The following GASK1A variants were observed in gnomAD, a reference collection of about 807,000 sequenced individuals.
The protein encoded by GASK1A is golgi associated kinase 1A, also known as Golgi-associated kinase 1A.
GASK1A carries 40 observed loss-of-function variants against 41.2 expected under a neutral mutation model. That is an observed-to-expected ratio of 0.97 (90% CI 0.75 to 1.27). The LOEUF (loss-of-function observed/expected upper bound fraction) is 1.27, where lower values mean the gene tolerates loss of function less well. Ranked by LOEUF, GASK1A falls within the 50% of genes most tolerant of loss-of-function variation. The pLI is 0.00. For synonymous variants in GASK1A, 316 were observed against 307.1 expected (o/e 1.03, Z -0.30); for missense variants, 678 against 745.1 (o/e 0.91, Z 1.05).
intron 2 of GASK1A, chr3:43,037,356 T>C (rs1383292544): frequency 2.2e-6 from 2 of 924,056 alleles, no homozygotes; most frequent in South Asian, 1.3e-5. Context: ...CTCTAAAATG[T>C]GCAATACAAA....
rs1002883207 is a variant in GASK1A, at chr3:42,979,346, C to T, written c.-297C>T. ...CTCTGCAAAAGTCCCGAGTAGACCG[C>T]AGAGGCTCGCGGCCGCGGGTAGGCT... On this transcript the variant is annotated 5_prime_UTR_variant, in exon 1 of 5. Transcript: ENST00000430121. 1.6e-4 allele frequency: 61 copies of T among 369,888 alleles called. No individual in the cohort carries two copies. The highest frequency in any genetic ancestry group is 1.3e-3 in the African/African-American group (60 of 47,932). The allele number at this position is 369,888 out of a possible 1,614,324, so 22.9% of individuals were successfully genotyped here.
Position 43,037,473 on chromosome 3 carries a change from A to T in GASK1A, c.1290+3920A>T, listed in dbSNP as rs2089610042. The T allele has an allele frequency of 4.7e-6, 3 of 635,516 alleles. No homozygotes were observed. The Admixed American group carries it at 7.4e-5, about 16-fold the overall frequency. 39.4% of individuals were successfully genotyped at this position (635,516 alleles called of 1,614,324 possible). On this transcript the variant is annotated intron_variant, in intron 2 of 4. Coordinates refer to ENST00000430121, the MANE Select transcript of GASK1A (RefSeq NM_001129908.3). Reference sequence around the variant, plus strand: ...GTAAACTTACTTTTTATAGAGAGTGAAGGATGCTGGAAGGGTAAGGTATTT... The same window carrying T: ...GTAAACTTACTTTTTATAGAGAGTGTAGGATGCTGGAAGGGTAAGGTATTT...
Position 43,055,437 on chromosome 3 carries a change from G to T in GASK1A, c.1419G>T (p.Arg473=), listed in dbSNP as rs1377163083. The change falls in exon 4 of 5, where the codon CGG becomes CGT. Residue 473 remains arginine (R), a synonymous_variant. Coordinates refer to ENST00000430121, the MANE Select transcript of GASK1A (RefSeq NM_001129908.3). ...TGTCCACCCTCTTCCCTGAGGTCCG[G>T]AGCAGCGATCCATCTCACCTGGTCT... ...AELRLVHILV[R]SSDPSHLVYI... 9.0e-6 allele frequency: 14 copies of T among 1,551,288 alleles called. No individual in the cohort carries two copies. Among genetic ancestry groups the T allele is most frequent in the Admixed American group, 2.0e-5 (1 of 50,992 alleles).
Position 42,984,451 on chromosome 3 carries a change from A to G in GASK1A, c.3+4806A>G, listed in dbSNP as rs1559395222. ...GGCCTGGGATCTGGTCCTATTCCCC[A>G]GAGTCCAGCCTGTGGCTCCAGAACT... On this transcript the variant is annotated intron_variant, in intron 1 of 4. Coordinates refer to ENST00000430121, the MANE Select transcript of GASK1A (RefSeq NM_001129908.3). The surrounding 1 kb of genome is among the most constrained non-coding windows in gnomAD (Gnocchi z 4.2). Among the ~76,000 whole-genome samples, 1 of 152,130 alleles carries G rather than the reference A, an allele frequency of 6.6e-6. No individual in the cohort carries two copies. The highest frequency in any genetic ancestry group is 1.5e-5 in the Non-Finnish European group (1 of 68,022).
intron 1 of GASK1A, among the ~76,000 whole-genome samples, chr3:43,022,924 G>A (rs890449747): frequency 6.6e-6 from 1 of 152,302 alleles, no homozygotes; most frequent in African/African-American, 2.4e-5. Context: ...ACCTCTGTAT[G>A]GATAAATACG....
chr3:43,022,374 A>G (rs539660309), intron 1 of GASK1A, among the ~76,000 whole-genome samples: 1 of 152,224 alleles, frequency 6.6e-6, no homozygotes, highest in Non-Finnish European at 1.5e-5. Context: ...AGGCTGAAAG[A>G]AGGATCAAAA....
At chr3:43,001,331 A>G (rs967561138) in intron 1 of GASK1A, among the ~76,000 whole-genome samples, 1 of 152,200 alleles carries the variant, frequency 6.6e-6, no homozygotes, top group African/African-American at 2.4e-5. Flanking sequence ...CGGGAAAGCG[A>G]TCATTCCTTC....
intron 1 of GASK1A, among the ~76,000 whole-genome samples, chr3:42,988,447 A>G (rs754241749): frequency 1.3e-5 from 2 of 152,232 alleles, no homozygotes; most frequent in Non-Finnish European, 2.9e-5. Flanking sequence ...CAGAAATGCC[A>G]TCAGCCAAAG....
intron 4 of GASK1A, 52 bp downstream of exon 4, chr3:43,055,587 C>T: frequency 1.5e-6 from 2 of 1,326,526 alleles, no homozygotes; most frequent in Non-Finnish European, 1.1e-6. Flanking sequence ...ACCTGATGGC[C>T]TTGCTGCAAA....
intron 1 of GASK1A, among the ~76,000 whole-genome samples, chr3:42,993,573 C>T (rs1328729853): frequency 6.6e-6 from 1 of 152,146 alleles, no homozygotes; most frequent in Non-Finnish European, 1.5e-5. Flanking sequence ...GAAGGATCTT[C>T]AGCTTCACCA....
intron 1 of GASK1A, among the ~76,000 whole-genome samples, chr3:43,017,632 A>G (rs2089499284): frequency 6.8e-6 from 1 of 148,140 alleles, no homozygotes; most frequent in African/African-American, 2.5e-5. Flanking sequence ...GGGAAGTCAC[A>G]GGGAGGGGCA....
intron 1 of GASK1A, among the ~76,000 whole-genome samples, chr3:43,023,690 A>C (rs2125683754): frequency 6.6e-6 from 1 of 152,338 alleles, no homozygotes; most frequent in African/African-American, 2.4e-5. Flanking sequence ...ATTGGGACAG[A>C]AATTTAGGAT....
intron 1 of GASK1A, among the ~76,000 whole-genome samples, chr3:43,010,176 C>G (rs1490473497): frequency 6.6e-6 from 1 of 152,130 alleles, no homozygotes; most frequent in African/African-American, 2.4e-5. Context: ...TCCCTGTTGT[C>G]TACCAGTCAC....
At chr3:43,003,651 T>G (rs1286530823) in intron 1 of GASK1A, among the ~76,000 whole-genome samples, 1 of 152,122 alleles carries the variant, frequency 6.6e-6, no homozygotes, top group Non-Finnish European at 1.5e-5. Context: ...GCCACTTCAG[T>G]GGGTATACTA....
intron 1 of GASK1A, among the ~76,000 whole-genome samples, chr3:43,023,568 C>T (rs1343267432): frequency 3.3e-5 from 5 of 152,110 alleles, no homozygotes; most frequent in African/African-American, 7.2e-5. Flanking sequence ...AGGAGATGTT[C>T]GATTTTGCCC....
Position 43,032,497 on chromosome 3 carries a change from G to A in GASK1A, c.234G>A (p.Trp78Ter), listed in dbSNP as rs1474644717. The A allele has an allele frequency of 4.5e-6, 7 of 1,550,430 alleles. No individual in the cohort carries two copies. In the Middle Eastern group the frequency reaches 5.0e-4, roughly 111 times the overall value. ...RRQRARNMGF[W>*]RSRALPRNSI... ...AGCGGGCAAGAAACATGGGCTTCTG[G>A]AGAAGCCGTGCTTTGCCCAGGAACT... is the stretch of plus-strand genomic sequence containing the variant. The change falls in exon 2 of 5, where the codon TGG becomes TGA. Residue 78 changes from tryptophan (W) to a stop codon, truncating the protein, a stop_gained. Transcript: ENST00000430121. LOFTEE classifies it high-confidence loss of function.
intron 1 of GASK1A, among the ~76,000 whole-genome samples, chr3:43,023,828 G>A (rs2125683789): frequency 6.6e-6 from 1 of 152,294 alleles, no homozygotes; most frequent in East Asian, 1.9e-4. Context: ...CTCTCAAGAG[G>A]GAGATTGGCT....
intron 1 of GASK1A, among the ~76,000 whole-genome samples, chr3:43,026,125 G>T (rs1266741268): frequency 6.6e-6 from 1 of 152,184 alleles, no homozygotes; most frequent in African/African-American, 2.4e-5. Flanking sequence ...GCAAAAGAGG[G>T]TGTGGAAATG....
chr3:43,037,106 A>G (rs2089608452), intron 2 of GASK1A: 1 of 739,450 alleles, frequency 1.4e-6, no homozygotes, highest in Middle Eastern at 2.7e-4. Flanking sequence ...GCACAACACT[A>G]AAAGTCAGTA....
Sources: gnomAD v4.1 joint callset for allele counts (sites outside exome capture counted in the v4.1 genomes callset) on GRCh38, gnomAD v4.1.1 for gene constraint, Gnocchi (gnomAD v3.1) non-coding constraint, MANE v1.5 for transcripts, NCBI Gene and HGNC (gene_info 2026-07-23, HGNC 2026-07-21) for gene names.